The following KCMF1 variants were observed in gnomAD, a reference collection of about 807,000 sequenced individuals.
KCMF1 encodes the protein potassium channel modulatory factor 1, also known as E3 ubiquitin-protein ligase KCMF1.
KCMF1 carries 3 observed loss-of-function variants against 41.1 expected under a neutral mutation model. That is an observed-to-expected ratio of 0.07 (90% CI 0.03 to 0.19). The LOEUF (loss-of-function observed/expected upper bound fraction) is 0.19, where lower values mean the gene tolerates loss of function less well. Among genes scored for constraint, KCMF1 ranks in the 10% least tolerant of loss-of-function variants. The pLI is 1.00. For synonymous variants in KCMF1, 142 were observed against 164.5 expected, an observed-to-expected ratio of 0.86 and a Z score of 1.04; for missense variants, 286 against 488.9, an observed-to-expected ratio of 0.58 and a Z score of 3.91.
intron 6 of KCMF1, among the ~76,000 whole-genome samples, chr2:85,051,354 A>C (rs993101495): frequency 3.3e-5 from 5 of 152,156 alleles, no homozygotes; most frequent in African/African-American, 1.2e-4. Context: ...TTCTACTGAG[A>C]GTTCACAGAA....
chr2:84,971,412 G>A lies in KCMF1; in HGVS notation c.-40G>A. 1.7e-6 allele frequency: 2 copies of A among 1,178,778 alleles called. No homozygotes were observed. Among genetic ancestry groups the A allele is most frequent in the Non-Finnish European group, 2.1e-6 (2 of 939,452 alleles). The allele number at this position is 1,178,778 out of a possible 1,614,324, so 73.0% of individuals were successfully genotyped here. A position where few individuals can be genotyped will look rare whatever the true frequency, so the allele number is the denominator to read the frequency against. On this transcript the variant is annotated 5_prime_UTR_variant, in exon 1 of 7. Transcript: ENST00000409785. ...GGACCCCGCGGGGGACACTGCAGCC[G>A]GAGCCCGGGAGGGGCCGCGCCGCCA...
At chr2:85,021,942 G>C (rs577837208) in intron 1 of KCMF1, among the ~76,000 whole-genome samples, 28 of 151,818 alleles carry the variant, frequency 1.8e-4, no homozygotes, top group African/African-American at 6.8e-4. Flanking sequence ...TCAGCCTCCG[G>C]AGTAGCTGGG....
At chr2:84,979,975 A>G (rs899439122) in intron 1 of KCMF1, among the ~76,000 whole-genome samples, 12 of 150,350 alleles carry the variant, frequency 8.0e-5, no homozygotes, top group African/African-American at 2.9e-4. Flanking sequence ...GGCATGCGCC[A>G]CCACGCCCGG....
rs185691249 is a variant in KCMF1, at chr2:85,034,469, A to G, written c.185-547A>G. The stretch of plus-strand genomic sequence containing the variant: ...ATTAGAGCCAGATGTGAAATGACCA[A>G]TGTTTCAAATAAATGAAGGAGGATG... On this transcript the variant is annotated intron_variant, in intron 2 of 6. Coordinates refer to ENST00000409785, the MANE Select transcript of KCMF1 (RefSeq NM_020122.5). Among the ~76,000 whole-genome samples, 31 of 152,314 alleles carry G rather than the reference A, an allele frequency of 2.0e-4. No individual in the cohort carries two copies. In the East Asian group the frequency reaches 5.8e-3, roughly 28 times the overall value.
intron 3 of KCMF1, among the ~76,000 whole-genome samples, chr2:85,040,233 T>C (rs7607064): frequency 0.16 from 23,887 of 152,222 alleles, 2,929 homozygotes; most frequent in East Asian, 0.35. Flanking sequence ...TGTTTCCATA[T>C]GAATAATAGA....
At chr2:85,016,867 T>C (rs145585165) in intron 1 of KCMF1, among the ~76,000 whole-genome samples, 1,617 of 151,988 alleles carry the variant, frequency 0.011, 31 homozygotes, top group African/African-American at 0.037. Context: ...TTTTTGTATC[T>C]TTAGTAGAGA....
chr2:85,058,479 G>T lies in KCMF1; in HGVS notation c.*5070G>T, dbSNP rs1048439940. The T allele has an allele frequency of 6.6e-6, 1 of 152,188 alleles. No homozygotes were observed. The highest frequency in any genetic ancestry group is 1.5e-5 in the Non-Finnish European group (1 of 68,062). 9.4% of individuals were successfully genotyped at this position (152,188 alleles called of 1,614,324 possible). On this transcript the variant is annotated 3_prime_UTR_variant, in exon 7 of 7. Transcript: ENST00000409785. ...GATAATGATGTTTCTCTTCAAGGAGGCCTTTACTAACCACAGGGAACCTAG... is the reference window on the plus strand; with the variant it reads ...GATAATGATGTTTCTCTTCAAGGAGTCCTTTACTAACCACAGGGAACCTAG...
At chr2:84,999,714 G>C (rs1044651180) in intron 1 of KCMF1, among the ~76,000 whole-genome samples, 1 of 152,178 alleles carries the variant, frequency 6.6e-6, no homozygotes, top group African/African-American at 2.4e-5. Flanking sequence ...ATAAGAGAAA[G>C]GGGGAAATAA....
At chr2:84,989,701 C>A (rs777730353) in intron 1 of KCMF1, among the ~76,000 whole-genome samples, 1 of 152,050 alleles carries the variant, frequency 6.6e-6, no homozygotes, top group African/African-American at 2.4e-5. Flanking sequence ...ATTAATTGGG[C>A]GTTGCCATTC....
At chr2:84,979,964 A>G (rs61203132) in intron 1 of KCMF1, among the ~76,000 whole-genome samples, 3 of 151,200 alleles carry the variant, frequency 2.0e-5, no homozygotes, top group Admixed American at 2.0e-4. Context: ...CTGGGATTAC[A>G]GGCATGCGCC....
At chr2:84,999,356 T>G (rs1209351020) in intron 1 of KCMF1, among the ~76,000 whole-genome samples, 1 of 152,150 alleles carries the variant, frequency 6.6e-6, no homozygotes, top group Non-Finnish European at 1.5e-5. Context: ...TTTCACCATG[T>G]TGGCCAGGCT....
chr2:84,992,842 G>A (rs930770299), intron 1 of KCMF1, among the ~76,000 whole-genome samples: 1 of 151,994 alleles, frequency 6.6e-6, no homozygotes, highest in Non-Finnish European at 1.5e-5. Context: ...GGATGGTCTC[G>A]ATCTCCTGAC....
intron 4 of KCMF1, 42 bp downstream of exon 4, chr2:85,043,707 T>C (rs755877596): frequency 1.0e-5 from 14 of 1,353,998 alleles, no homozygotes; most frequent in Non-Finnish European, 9.4e-6. Flanking sequence ...TTGTTTGTAA[T>C]GTTTGTCATT....
chr2:84,973,232 CA>C (rs1673447614), intron 1 of KCMF1, among the ~76,000 whole-genome samples: 1 of 152,142 alleles, frequency 6.6e-6, no homozygotes, highest in African/African-American at 2.4e-5. Flanking sequence ...CAGATAGTTC[CA>C]GACGAGCATT....
At chr2:84,985,772 TGAGCC>T (rs1673886015) in intron 1 of KCMF1, among the ~76,000 whole-genome samples, 1 of 149,480 alleles carries the variant, frequency 6.7e-6, no homozygotes, top group African/African-American at 2.5e-5. Context: ...GAGGTTGCAG[TGAGCC>T]GAGATTGTGT....
chr2:84,977,634 G>T (rs2103961320), intron 1 of KCMF1, among the ~76,000 whole-genome samples: 1 of 151,504 alleles, frequency 6.6e-6, no homozygotes, highest in Admixed American at 6.6e-5. Context: ...TATTGCCTAG[G>T]CTGGTCTCAA....
chr2:85,034,638 CGTT>C (rs1426825381), intron 2 of KCMF1, among the ~76,000 whole-genome samples: 2 of 152,100 alleles, frequency 1.3e-5, no homozygotes, highest in African/African-American at 2.4e-5. Context: ...GATCACGTGA[CGTT>C]GTTGAATATT....
At chr2:85,049,752 T>G in intron 6 of KCMF1, 104 bp downstream of exon 6, 1 of 961,730 alleles carries the variant, frequency 1.0e-6, no homozygotes, top group African/African-American at 1.7e-5. Flanking sequence ...CTTTAAAATT[T>G]TGTGTTTGAT....
intron 1 of KCMF1, among the ~76,000 whole-genome samples, chr2:84,976,432 C>T (rs1673546594): frequency 6.6e-6 from 1 of 151,918 alleles, no homozygotes; most frequent in African/African-American, 2.4e-5. Context: ...TCTCGAACTC[C>T]TGACCGCAAG....
Sources: allele counts gnomAD v4.1 joint callset (sites outside exome capture counted in the v4.1 genomes callset), GRCh38; gene constraint gnomAD v4.1.1; transcripts MANE v1.5; gene names NCBI Gene and HGNC (gene_info 2026-07-23, HGNC 2026-07-21).